Variants in SPAST observed in about 807,000 individuals in gnomAD.
SPAST encodes the protein spastin.
SPAST carries 30 observed loss-of-function variants against 76.6 expected under a neutral mutation model. The ratio of observed to expected loss-of-function variants is 0.39; its 90% CI spans 0.29 to 0.53. SPAST has a LOEUF of 0.53. Ranked by LOEUF, SPAST falls within the 20% of genes least tolerant of loss-of-function variation. The pLI is 0.68. For missense variants in SPAST, 717 were observed against 770.5 expected, an observed-to-expected ratio of 0.93 and a Z score of 0.82; for synonymous variants, 305 against 281.0, an observed-to-expected ratio of 1.09 and a Z score of -0.86.
intron 1 of SPAST, among the ~76,000 whole-genome samples, chr2:32,080,110 C>T (rs888696131): frequency 3.9e-5 from 6 of 152,172 alleles, no homozygotes; most frequent in Non-Finnish European, 5.9e-5. Flanking sequence ...AAATAATAGT[C>T]ATCCTAAAGG....
intron 1 of SPAST, among the ~76,000 whole-genome samples, chr2:32,079,479 A>G (rs541596620): frequency 1.3e-5 from 2 of 151,352 alleles, no homozygotes; most frequent in African/African-American, 4.8e-5. Context: ...GCTCTCTAGC[A>G]TGGGTGACAG....
intron 4 of SPAST, among the ~76,000 whole-genome samples, chr2:32,112,715 TGTA>T (rs1381881562): frequency 2.6e-5 from 4 of 152,198 alleles, no homozygotes; most frequent in Non-Finnish European, 4.4e-5. Flanking sequence ...ATAGTTAACT[TGTA>T]GTAAAAGTAA....
chr2:32,152,550 G>A (rs769807201), intron 16 of SPAST, among the ~76,000 whole-genome samples: 1 of 152,068 alleles, frequency 6.6e-6, no homozygotes, highest in Non-Finnish European at 1.5e-5. Context: ...GTGAGACCCT[G>A]TCTCAAAACA....
chr2:32,073,326 C>T (rs951303183), intron 1 of SPAST, among the ~76,000 whole-genome samples: 3 of 152,150 alleles, frequency 2.0e-5, no homozygotes, highest in Admixed American at 6.6e-5. Flanking sequence ...AGCCACTGCA[C>T]CTGGCTGGAT....
At chr2:32,134,582 G>A (rs2148751818) in intron 9 of SPAST, among the ~76,000 whole-genome samples, 1 of 152,246 alleles carries the variant, frequency 6.6e-6, no homozygotes, top group East Asian at 1.9e-4. Context: ...AGGATCACAG[G>A]CATGAGTCAC....
In SPAST at chr2:32,156,308, A is replaced by G. The variant is rs1377836073; in HGVS notation, c.*1812A>G. The G allele has an allele frequency of 1.3e-5, 2 of 152,274 alleles. No homozygotes were observed. The highest frequency in any genetic ancestry group is 4.8e-5 in the African/African-American group (2 of 41,442). 9.4% of individuals were successfully genotyped at this position (152,274 alleles called of 1,614,324 possible). ...TGCCTCGGCCTCCCAAAGTGCTGGGATTACAGGCATAAGCCACTGCGCCCA... is the reference window on the plus strand; with the variant it reads ...TGCCTCGGCCTCCCAAAGTGCTGGGGTTACAGGCATAAGCCACTGCGCCCA... On this transcript the variant is annotated 3_prime_UTR_variant, in exon 17 of 17. Transcript: ENST00000315285.
chr2:32,150,414 A>ATTTAC (rs1042911649), intron 16 of SPAST, among the ~76,000 whole-genome samples: 3 of 150,100 alleles, frequency 2.0e-5, no homozygotes, highest in African/African-American at 7.3e-5. Flanking sequence ...TTTCTAACTT[A>ATTTAC]TTTAATTTAA....
At chr2:32,110,381 G>A (rs1678507733) in intron 4 of SPAST, among the ~76,000 whole-genome samples, 1 of 149,078 alleles carries the variant, frequency 6.7e-6, no homozygotes, top group South Asian at 2.1e-4. Flanking sequence ...GCCTCCCAAA[G>A]TGCTGGGATT....
chr2:32,074,329 C>T (rs150012082), intron 1 of SPAST, among the ~76,000 whole-genome samples: 4 of 152,206 alleles, frequency 2.6e-5, no homozygotes, highest in African/African-American at 7.2e-5. Context: ...GTTCAGTGTT[C>T]ATGTTTTGCC....
At chr2:32,071,158 A>G (rs901314040) in intron 1 of SPAST, among the ~76,000 whole-genome samples, 2 of 152,154 alleles carry the variant, frequency 1.3e-5, no homozygotes, top group Admixed American at 1.3e-4. Flanking sequence ...GGGTAACACA[A>G]TGGTGGAGGT....
chr2:32,097,897 A>G (rs1440104865), intron 3 of SPAST, among the ~76,000 whole-genome samples: 7 of 151,562 alleles, frequency 4.6e-5, no homozygotes, highest in African/African-American at 1.7e-4. Flanking sequence ...ACAGGGTTTC[A>G]CTGTGTTAGC....
intron 1 of SPAST, 53 bp downstream of exon 1, chr2:32,064,299 GTCGCC>G: frequency 1.7e-6 from 2 of 1,165,914 alleles, no homozygotes; most frequent in Non-Finnish European, 1.2e-6. Flanking sequence ...AGGCGGTGGG[GTCGCC>G]GGGGGAGGGC....
At chr2:32,124,217 A>T (rs1679116757) in intron 7 of SPAST, among the ~76,000 whole-genome samples, 1 of 152,214 alleles carries the variant, frequency 6.6e-6, no homozygotes, top group Non-Finnish European at 1.5e-5. Flanking sequence ...AAAATATCTG[A>T]ACAGACACCT....
intron 4 of SPAST, among the ~76,000 whole-genome samples, chr2:32,108,797 A>G (rs7559964): frequency 0.43 from 53,609 of 124,786 alleles, 11,210 homozygotes; most frequent in East Asian, 0.65. Context: ...ACAGAGTCTC[A>G]CTCTGTCGCC....
intron 4 of SPAST, among the ~76,000 whole-genome samples, chr2:32,113,443 G>C (rs1678691405): frequency 6.6e-6 from 1 of 151,066 alleles, no homozygotes; most frequent in Non-Finnish European, 1.5e-5. Context: ...AGTGTTTATA[G>C]TTATAATAGT....
At chr2:32,109,676 ATAAC>A (rs1382888282) in intron 4 of SPAST, among the ~76,000 whole-genome samples, 4 of 149,676 alleles carry the variant, frequency 2.7e-5, no homozygotes, top group Non-Finnish European at 4.4e-5. Context: ...ATATATTAAT[ATAAC>A]TAATATATAT....
chr2:32,114,443 A>C (rs1169618873), intron 4 of SPAST, among the ~76,000 whole-genome samples, 195 bp from the exon 5 acceptor site: 1 of 152,054 alleles, frequency 6.6e-6, no homozygotes, highest in African/African-American at 2.4e-5. Context: ...AGGGGGAAAA[A>C]ACCTAATAAC....
intron 7 of SPAST, among the ~76,000 whole-genome samples, chr2:32,126,070 C>T (rs1005472255): frequency 6.6e-6 from 1 of 152,126 alleles, no homozygotes; most frequent in South Asian, 2.1e-4. Context: ...GCTGGGATTA[C>T]AGGCGTGAGC....
chr2:32,123,002 C>A (rs1377105246), intron 7 of SPAST, among the ~76,000 whole-genome samples: 3 of 152,150 alleles, frequency 2.0e-5, no homozygotes, highest in Non-Finnish European at 2.9e-5. Context: ...TGGCTCACAC[C>A]TGTAATCCCA....
Sources: gnomAD v4.1 joint callset for allele counts (sites outside exome capture counted in the v4.1 genomes callset) on GRCh38, gnomAD v4.1.1 for gene constraint, MANE v1.5 for transcripts, NCBI Gene and HGNC (gene_info 2026-07-23, HGNC 2026-07-21) for gene names.